The following VRK2 variants were observed in gnomAD, a reference collection of about 807,000 sequenced individuals.
VRK2 encodes the protein serine/threonine-protein kinase VRK2.
In VRK2, 60 loss-of-function variants were observed where a neutral mutation model predicts 57.6. That is an observed-to-expected ratio of 1.04 (90% CI 0.85 to 1.29). The LOEUF (loss-of-function observed/expected upper bound fraction) is 1.29. Among genes scored for constraint, VRK2 ranks in the 50% most tolerant of loss-of-function variants. The pLI is 0.00. For missense variants in VRK2, 705 were observed against 588.1 expected, an observed-to-expected ratio of 1.20 and a Z score of -2.06; for synonymous variants, 231 against 199.2, an observed-to-expected ratio of 1.16 and a Z score of -1.35.
chr2:57,979,363 TG>T (rs1672348480), intron 1 of VRK2, among the ~76,000 whole-genome samples: 1 of 151,218 alleles, frequency 6.6e-6, no homozygotes, highest in East Asian at 1.9e-4. Flanking sequence ...CTGTTCTGAC[TG>T]GCATGCGATG....
intron 12 of VRK2, among the ~76,000 whole-genome samples, chr2:58,156,360 TG>T (rs1392848743): frequency 1.3e-5 from 2 of 152,204 alleles, no homozygotes; most frequent in African/African-American, 2.4e-5. Flanking sequence ...TATTGTGCTT[TG>T]GGTTCGTAGA....
chr2:58,159,745 C>T lies in VRK2; in HGVS notation c.*52C>T, dbSNP rs780301612. 2.5e-5 allele frequency: 41 copies of T among 1,612,678 alleles called. 1 individual carries two copies. The highest frequency in any genetic ancestry group is 2.3e-5 in the Non-Finnish European group (27 of 1,179,454). On this transcript the variant is annotated 3_prime_UTR_variant, in exon 13 of 13. Coordinates refer to ENST00000340157, the MANE Select transcript of VRK2 (RefSeq NM_006296.7). Reference sequence around the variant, plus strand: ...ATTTTTTAAGTTTCCAGCTCTTCACCGAAATGTTGTATTCTTATTTCAGTG... The same window carrying T: ...ATTTTTTAAGTTTCCAGCTCTTCACTGAAATGTTGTATTCTTATTTCAGTG...
chr2:57,953,393 A>G (rs1348463972), intron 1 of VRK2, among the ~76,000 whole-genome samples: 1 of 152,186 alleles, frequency 6.6e-6, no homozygotes, highest in African/African-American at 2.4e-5. Context: ...ACAGATTCTA[A>G]CTATTGATAG....
At chr2:57,968,859 C>T (rs1672004737) in intron 1 of VRK2, among the ~76,000 whole-genome samples, 1 of 152,034 alleles carries the variant, frequency 6.6e-6, no homozygotes, top group Admixed American at 6.6e-5. Context: ...GACAAATTGA[C>T]TCCATAGTCA....
At chr2:57,926,278 G>A (rs1444641139) in intron 1 of VRK2, among the ~76,000 whole-genome samples, 1 of 151,648 alleles carries the variant, frequency 6.6e-6, no homozygotes, top group Admixed American at 6.6e-5. Context: ...ATGCTTTTTT[G>A]TTGATTTTCT....
chr2:57,995,009 G>T (rs1163172360), intron 1 of VRK2, among the ~76,000 whole-genome samples: 3 of 152,106 alleles, frequency 2.0e-5, no homozygotes, highest in Non-Finnish European at 4.4e-5. Context: ...TTCTTATACA[G>T]AAATTTAATA....
chr2:58,110,725 A>G (rs1675425786), intron 7 of VRK2, among the ~76,000 whole-genome samples: 1 of 152,192 alleles, frequency 6.6e-6, no homozygotes, highest in Non-Finnish European at 1.5e-5. Flanking sequence ...GAAGGCTTCC[A>G]GAGCGGGATG....
At chr2:58,084,831 T>C (rs1263875016) in intron 3 of VRK2, 50 bp from the exon 4 acceptor site, 1 of 1,196,202 alleles carries the variant, frequency 8.4e-7, no homozygotes, top group Non-Finnish European at 1.2e-6. Flanking sequence ...AACAATTCCA[T>C]CTTTGGGATT....
chr2:58,084,032 G>A, intron 2 of VRK2, 57 bp from the exon 3 acceptor site: 1 of 1,567,956 alleles, frequency 6.4e-7, no homozygotes, highest in Non-Finnish European at 8.7e-7. Context: ...GATATGGTAG[G>A]TATTCAGTAA....
chr2:58,081,639 A>G (rs190065588), intron 2 of VRK2, among the ~76,000 whole-genome samples: 8 of 151,824 alleles, frequency 5.3e-5, no homozygotes, highest in African/African-American at 1.9e-4. Context: ...TCACTTTCCT[A>G]CTTTTTTGGA....
intron 8 of VRK2, among the ~76,000 whole-genome samples, chr2:58,124,031 C>G (rs931044537): frequency 6.6e-6 from 1 of 152,156 alleles, no homozygotes; most frequent in Non-Finnish European, 1.5e-5. Flanking sequence ...TTTAAACTCA[C>G]TTTGATGGTA....
chr2:58,006,621 G>A (rs959378760), intron 1 of VRK2, among the ~76,000 whole-genome samples: 3 of 152,092 alleles, frequency 2.0e-5, no homozygotes, highest in Non-Finnish European at 2.9e-5. Flanking sequence ...TAAATGCAAT[G>A]GGAGTAATTG....
chr2:57,955,124 G>A (rs939245837), intron 1 of VRK2, among the ~76,000 whole-genome samples: 4 of 152,138 alleles, frequency 2.6e-5, no homozygotes, highest in African/African-American at 9.7e-5. Flanking sequence ...GGAAAGAAAT[G>A]AAGAGCATTG....
chr2:57,987,406 T>A (rs77736916), intron 1 of VRK2, among the ~76,000 whole-genome samples: 2,338 of 152,226 alleles, frequency 0.015, 24 homozygotes, highest in Non-Finnish European at 0.024. Flanking sequence ...TGAAAAGGTG[T>A]TCAAGATCAT....
At chr2:58,154,892 A>C in intron 12 of VRK2, 1 of 591,296 alleles carries the variant, frequency 1.7e-6, no homozygotes, top group South Asian at 2.3e-5. Flanking sequence ...TTCACTTCAA[A>C]ATATATTTCC....
intron 7 of VRK2, among the ~76,000 whole-genome samples, chr2:58,091,294 CTT>C (rs369107054): frequency 6.6e-6 from 1 of 152,110 alleles, no homozygotes; most frequent in Non-Finnish European, 1.5e-5. Flanking sequence ...AGCGGAGAGA[CTT>C]TGTGTGGGCT....
intron 1 of VRK2, among the ~76,000 whole-genome samples, chr2:57,930,698 C>G (rs1460449186): frequency 6.6e-6 from 1 of 152,126 alleles, no homozygotes. Flanking sequence ...ATGTATTCAT[C>G]TTACAACTGA....
At chr2:57,965,634 G>C (rs1005586770) in intron 1 of VRK2, among the ~76,000 whole-genome samples, 1 of 152,150 alleles carries the variant, frequency 6.6e-6, no homozygotes, top group African/African-American at 2.4e-5. Context: ...TATCTAGAAA[G>C]GGTATCTCTC....
intron 7 of VRK2, among the ~76,000 whole-genome samples, chr2:58,117,854 A>G (rs1392884396): frequency 1.3e-5 from 2 of 152,142 alleles, no homozygotes; most frequent in Non-Finnish European, 1.5e-5. Flanking sequence ...GGAGGAATGT[A>G]AGGTGGAATC....
Sources: allele counts gnomAD v4.1 joint callset (sites outside exome capture counted in the v4.1 genomes callset), GRCh38; gene constraint gnomAD v4.1.1; transcripts MANE v1.5; gene names NCBI Gene and HGNC (gene_info 2026-07-23, HGNC 2026-07-21).